PLCL2: variants seen among roughly 807,000 people sequenced by gnomAD.
PLCL2 encodes phospholipase C like 2.
PLCL2 carries 4 observed loss-of-function variants against 79.6 expected under a neutral mutation model. The ratio of observed to expected loss-of-function variants is 0.05; its 90% CI spans 0.02 to 0.11. The LOEUF (loss-of-function observed/expected upper bound fraction) is 0.11. Ranked by LOEUF, PLCL2 falls within the 10% of genes least tolerant of loss-of-function variation. PLCL2 has a pLI of 1.00. For synonymous variants in PLCL2, 484 were observed against 457.7 expected (o/e 1.06, Z -0.73); for missense variants, 895 against 1,291.0 (o/e 0.69, Z 4.70).
At chr3:16,902,826 CAAAAA>C (rs777160871) in intron 1 of PLCL2, among the ~76,000 whole-genome samples, 2 of 73,690 alleles carry the variant, frequency 2.7e-5, no homozygotes, top group Non-Finnish European at 6.3e-5. Context: ...CACTCCATCT[CAAAAA>C]AAAAAAAAAA....
chr3:16,982,115 C>A (rs777389275), intron 1 of PLCL2, among the ~76,000 whole-genome samples: 2 of 152,086 alleles, frequency 1.3e-5, no homozygotes, highest in African/African-American at 4.8e-5. Flanking sequence ...GCTTTATATC[C>A]GAAAACCCAG....
intron 1 of PLCL2, among the ~76,000 whole-genome samples, chr3:16,978,658 A>T (rs1373591754): frequency 6.6e-6 from 1 of 152,208 alleles, no homozygotes; most frequent in Admixed American, 6.5e-5. Context: ...TTGAGGATGT[A>T]ACGATGTAAG....
At chr3:16,935,995 T>C (rs1697529719) in intron 1 of PLCL2, among the ~76,000 whole-genome samples, 1 of 152,200 alleles carries the variant, frequency 6.6e-6, no homozygotes, top group Non-Finnish European at 1.5e-5. Context: ...TTCAGGTCCG[T>C]GGTGGCTCTA....
At chr3:16,969,056 G>A (rs527541897) in intron 1 of PLCL2, among the ~76,000 whole-genome samples, 1 of 152,220 alleles carries the variant, frequency 6.6e-6, no homozygotes, top group African/African-American at 2.4e-5. Context: ...ACTGATTTGT[G>A]TATGTTGAAC....
At chr3:16,899,874 T>C (rs1696579799) in intron 1 of PLCL2, among the ~76,000 whole-genome samples, 1 of 140,180 alleles carries the variant, frequency 7.1e-6, no homozygotes, top group African/African-American at 2.6e-5. Flanking sequence ...ACTATCCTAT[T>C]TTAGAGGGCA....
chr3:17,057,180 G>A (rs1281555583), intron 4 of PLCL2, among the ~76,000 whole-genome samples: 1 of 152,166 alleles, frequency 6.6e-6, no homozygotes, highest in Non-Finnish European at 1.5e-5. Context: ...CTCGGGCAAA[G>A]GACTTCATCA....
intron 1 of PLCL2, among the ~76,000 whole-genome samples, chr3:16,952,360 CAAAAAAAAAAAAA>C (rs35421244): frequency 2.7e-4 from 6 of 22,624 alleles, no homozygotes; most frequent in South Asian, 3.4e-3. Context: ...GAACTTAAAG[CAAAAAAAAAAAAA>C]AAAAAAAAAA....
intron 3 of PLCL2, among the ~76,000 whole-genome samples, chr3:17,016,468 G>C (rs1317385394): frequency 6.6e-6 from 1 of 152,184 alleles, no homozygotes; most frequent in African/African-American, 2.4e-5. Context: ...GCAGAGAGGA[G>C]GGAGGCCAGG....
At chr3:16,900,055 T>C (rs1270784116) in intron 1 of PLCL2, among the ~76,000 whole-genome samples, 1 of 152,196 alleles carries the variant, frequency 6.6e-6, no homozygotes, top group Non-Finnish European at 1.5e-5. Context: ...ATCATTTGTA[T>C]TAGTTTTCAG....
At chr3:16,895,083 T>C (rs575307512) in intron 1 of PLCL2, among the ~76,000 whole-genome samples, 10 of 142,992 alleles carry the variant, frequency 7.0e-5, no homozygotes, top group African/African-American at 2.2e-4. Context: ...GATATAGATA[T>C]ATGTTGAAAC....
intron 1 of PLCL2, among the ~76,000 whole-genome samples, chr3:16,999,531 A>C (rs1040488776): frequency 6.6e-6 from 1 of 152,182 alleles, no homozygotes; most frequent in Non-Finnish European, 1.5e-5. Flanking sequence ...TATCATTGTA[A>C]CAACCCTGTG....
intron 1 of PLCL2, among the ~76,000 whole-genome samples, chr3:16,892,693 C>G (rs530202139): frequency 1.3e-5 from 2 of 152,054 alleles, no homozygotes; most frequent in Non-Finnish European, 2.9e-5. Context: ...AAATTCTGCC[C>G]TTTGTTGCAG....
At chr3:16,973,525 C>T (rs965633985) in intron 1 of PLCL2, among the ~76,000 whole-genome samples, 35 of 151,930 alleles carry the variant, frequency 2.3e-4, no homozygotes, top group African/African-American at 8.5e-4. Flanking sequence ...TCTCTGTATT[C>T]CTTAAATACT....
intron 1 of PLCL2, among the ~76,000 whole-genome samples, chr3:16,940,095 G>A (rs761304280): frequency 6.6e-6 from 1 of 152,192 alleles, no homozygotes; most frequent in Non-Finnish European, 1.5e-5. Flanking sequence ...GCCATGAGAT[G>A]TCTGGATTAC....
rs544877700 is a variant in PLCL2 at position 16,972,216 on chromosome 3, G to A, written c.328-37458G>A. Among the ~76,000 whole-genome samples the A allele has an allele frequency of 2.9e-3, 444 of 152,204 alleles. 2 individuals are homozygous for A. Among genetic ancestry groups the A allele is most frequent in the Admixed American group, 5.2e-3 (80 of 15,278 alleles). On this transcript the variant is annotated intron_variant, in intron 1 of 5. Transcript: ENST00000615277. Reference sequence around the variant, plus strand: ...AGGAGAAGGAAATAAAGGGTATTCAGTTAGGAAAAGAGGAAGTCAAATTGT... The same window carrying A: ...AGGAGAAGGAAATAAAGGGTATTCAATTAGGAAAAGAGGAAGTCAAATTGT...
chr3:17,022,460 C>T (rs1343462097), intron 3 of PLCL2, among the ~76,000 whole-genome samples: 1 of 151,872 alleles, frequency 6.6e-6, no homozygotes, highest in African/African-American at 2.4e-5. Flanking sequence ...AAGTTCTTTG[C>T]TAAGTTCTTC....
intron 4 of PLCL2, among the ~76,000 whole-genome samples, chr3:17,056,275 A>T (rs1424219207): frequency 6.6e-6 from 1 of 152,208 alleles, no homozygotes; most frequent in African/African-American, 2.4e-5. Context: ...GTCCACAGAC[A>T]AAATGAATCA....
At chr3:16,949,955 T>A (rs1390472235) in intron 1 of PLCL2, among the ~76,000 whole-genome samples, 1 of 152,234 alleles carries the variant, frequency 6.6e-6, no homozygotes, top group Non-Finnish European at 1.5e-5. Context: ...TTGAATTCCC[T>A]TGTATTCATT....
chr3:16,911,124 G>C (rs1049048696), intron 1 of PLCL2, among the ~76,000 whole-genome samples: 1 of 151,968 alleles, frequency 6.6e-6, no homozygotes, highest in Non-Finnish European at 1.5e-5. Flanking sequence ...GTGGTGGCAT[G>C]TGCCTATAAT....
Sources: gnomAD v4.1 joint callset for allele counts (sites outside exome capture counted in the v4.1 genomes callset) on GRCh38, gnomAD v4.1.1 for gene constraint, MANE v1.5 for transcripts, NCBI Gene and HGNC (gene_info 2026-07-23, HGNC 2026-07-21) for gene names.